Variants in DPYD observed in about 807,000 individuals in gnomAD.
DPYD encodes the protein dihydropyrimidine dehydrogenase [NADP(+)].
A neutral mutation model predicts 116.2 loss-of-function variants in DPYD; 109 were observed. The observed-to-expected ratio is 0.94, with a 90% CI of 0.80 to 1.10. The LOEUF (loss-of-function observed/expected upper bound fraction) is 1.10. Ranked by LOEUF, DPYD falls within the 50% of genes least tolerant of loss-of-function variation. The probability of loss-of-function intolerance (pLI) is 0.00; values close to 1 mark genes in which losing one functional copy is unlikely to be tolerated. For missense variants in DPYD, 1,302 were observed against 1,254.5 expected (o/e 1.04, Z -0.57); for synonymous variants, 440 against 432.0 (o/e 1.02, Z -0.23).
chr1:97,658,727 T>G (rs1022044331), intron 8 of DPYD, among the ~76,000 whole-genome samples: 2 of 152,164 alleles, frequency 1.3e-5, no homozygotes, highest in African/African-American at 4.8e-5. Flanking sequence ...AAGCCTACAC[T>G]GCATAAAACC....
At chr1:97,656,742 A>G (rs1658925962) in intron 8 of DPYD, among the ~76,000 whole-genome samples, 1 of 152,080 alleles carries the variant, frequency 6.6e-6, no homozygotes, top group Non-Finnish European at 1.5e-5. Context: ...TGAAATCCTC[A>G]TTAAACTAAT....
At position 97,727,476 on chromosome 1, in the gene DPYD, AAACT is replaced by A. The variant is rs113360421; in HGVS notation, c.322-5809_322-5806del. 4.6e-5 allele frequency among the ~76,000 whole-genome samples: 7 copies of A among 151,776 alleles called. No individual in the cohort carries two copies. In the East Asian group the frequency reaches 5.8e-4, roughly 13 times the overall value. On this transcript the variant is annotated intron_variant, in intron 4 of 22. Transcript: ENST00000370192. Reference sequence around the variant, plus strand: ...TTAATAGAAGGGTTCCAGTATTAAGAAACTAACTAAGAAAAATATTGAATAGATG... The same window carrying A: ...TTAATAGAAGGGTTCCAGTATTAAGAAACTAAGAAAAATATTGAATAGATG...
At chr1:97,517,838 T>C (rs1173513737) in intron 12 of DPYD, among the ~76,000 whole-genome samples, 2 of 152,120 alleles carry the variant, frequency 1.3e-5, no homozygotes, top group East Asian at 3.9e-4. Context: ...GTCCCATGTG[T>C]CTGTACTTTA....
intron 3 of DPYD, among the ~76,000 whole-genome samples, chr1:97,759,607 A>AT (rs375497396): frequency 1.3e-5 from 2 of 152,096 alleles, no homozygotes; most frequent in African/African-American, 4.8e-5. Flanking sequence ...CAGTACTGGT[A>AT]TTTTTTCAGC....
At chr1:97,377,792 G>A (rs1198855419) in intron 15 of DPYD, among the ~76,000 whole-genome samples, 1 of 152,186 alleles carries the variant, frequency 6.6e-6, no homozygotes, top group East Asian at 1.9e-4. Context: ...ACGAGCATTT[G>A]AGGAGCCATG....
At chr1:97,910,167 A>T (rs971875706) in intron 1 of DPYD, among the ~76,000 whole-genome samples, 3 of 152,124 alleles carry the variant, frequency 2.0e-5, no homozygotes, top group Admixed American at 6.6e-5. Flanking sequence ...TATTATCTGA[A>T]ATTACTGTAT....
At chr1:97,313,287 T>A (rs1052154432) in intron 16 of DPYD, among the ~76,000 whole-genome samples, 1 of 151,914 alleles carries the variant, frequency 6.6e-6, no homozygotes, top group Non-Finnish European at 1.5e-5. Context: ...GAGAGTACAG[T>A]ATACTGGGTC....
At chr1:97,689,603 C>A (rs1223495572) in intron 7 of DPYD, among the ~76,000 whole-genome samples, 1 of 151,804 alleles carries the variant, frequency 6.6e-6, no homozygotes, top group Non-Finnish European at 1.5e-5. Context: ...CAGTATGAAC[C>A]CACAAAAATA....
At chr1:97,355,948 G>A (rs77656893) in intron 16 of DPYD, among the ~76,000 whole-genome samples, 5,519 of 152,236 alleles carry the variant, frequency 0.036, 141 homozygotes, top group South Asian at 0.062. Context: ...TAAATACCCA[G>A]AAGTAGGATT....
chr1:97,504,252 G>A lies in DPYD; in HGVS notation c.1740+11474C>T, dbSNP rs1679757618. Among the ~76,000 whole-genome samples the A allele has an allele frequency of 5.3e-5, 8 of 151,946 alleles. No homozygotes were observed. In the South Asian group the frequency reaches 1.7e-3, roughly 31 times the overall value. ...TTTGGAGGTTGGTGCACCGTATACA[G>A]TGTCCCACTCTGCTTGATATATCGA... On this transcript the variant is annotated intron_variant, in intron 13 of 22. Coordinates refer to ENST00000370192, the MANE Select transcript of DPYD (RefSeq NM_000110.4).
intron 18 of DPYD, among the ~76,000 whole-genome samples, chr1:97,292,622 G>A (rs1416478243): frequency 1.3e-5 from 2 of 152,114 alleles, no homozygotes. Context: ...TAAAAAGGGT[G>A]AAACTAAAGA....
In DPYD at chr1:97,306,395, T is replaced by C. The variant is rs773044881; in HGVS notation, c.2059-98A>G. 4.0e-6 allele frequency: 6 copies of C among 1,494,468 alleles called. No homozygotes were observed. In the South Asian group the frequency reaches 6.8e-5, roughly 17 times the overall value. The allele number at this position is 1,494,468 out of a possible 1,614,324, so 92.6% of individuals were successfully genotyped here. A position where few individuals can be genotyped will look rare whatever the true frequency, so the allele number is the denominator to read the frequency against. ...CAAAGCTGGAGACGTGCAAGACAAA[T>C]CCAACTTGACAATGAGCTACATGAT... On this transcript the variant is annotated intron_variant, in intron 16 of 22. Coordinates refer to ENST00000370192, the MANE Select transcript of DPYD (RefSeq NM_000110.4).
intron 3 of DPYD, among the ~76,000 whole-genome samples, chr1:97,745,188 T>C (rs1490048046): frequency 6.6e-6 from 1 of 152,130 alleles, no homozygotes; most frequent in African/African-American, 2.4e-5. Context: ...TATTCTTAAA[T>C]ATGCATCTTG....
intron 16 of DPYD, among the ~76,000 whole-genome samples, chr1:97,335,973 C>T (rs1040399305): frequency 6.6e-6 from 1 of 152,132 alleles, no homozygotes; most frequent in Non-Finnish European, 1.5e-5. Context: ...TCCTTCGTGT[C>T]TTTCTCTATC....
At position 97,095,350 on chromosome 1, in the gene DPYD, T is replaced by C. The variant is rs145400615; in HGVS notation, c.2766+3139A>G. On this transcript the variant is annotated intron_variant, in intron 21 of 22. Coordinates refer to ENST00000370192, the MANE Select transcript of DPYD (RefSeq NM_000110.4). ...TGTCACTGAATTATAATTTGAGAGA[T>C]GAAAGGGATCCCTTTAAAATGCAAA... is the stretch of plus-strand genomic sequence containing the variant. Among the ~76,000 whole-genome samples the C allele has an allele frequency of 5.1e-3, 774 of 152,170 alleles. 5 individuals are homozygous for C. The highest frequency in any genetic ancestry group is 0.031 in the Middle Eastern group (9 of 294).
chr1:97,397,986 T>C (rs1292573092), intron 14 of DPYD, among the ~76,000 whole-genome samples: 1 of 152,100 alleles, frequency 6.6e-6, no homozygotes, highest in Non-Finnish European at 1.5e-5. Flanking sequence ...AGGATACATG[T>C]GCACAATGTG....
intron 14 of DPYD, among the ~76,000 whole-genome samples, chr1:97,393,290 T>C (rs1458144478): frequency 7.0e-6 from 1 of 143,850 alleles, no homozygotes; most frequent in Non-Finnish European, 1.5e-5. Flanking sequence ...TAGCCTATTT[T>C]CTTTTTTTTT....
intron 20 of DPYD, among the ~76,000 whole-genome samples, chr1:97,128,851 T>C (rs992267199): frequency 2.0e-5 from 3 of 152,166 alleles, no homozygotes; most frequent in Non-Finnish European, 4.4e-5. Context: ...ATTTGAATAC[T>C]GTATGTTGTA....
At chr1:97,178,347 TA>T (rs1234534973) in intron 20 of DPYD, among the ~76,000 whole-genome samples, 9 of 152,276 alleles carry the variant, frequency 5.9e-5, no homozygotes, top group African/African-American at 2.2e-4. Flanking sequence ...CTGGGTAATT[TA>T]CAAAAGAGGT....
Sources: gnomAD v4.1 joint callset for allele counts (sites outside exome capture counted in the v4.1 genomes callset) on GRCh38, gnomAD v4.1.1 for gene constraint, MANE v1.5 for transcripts, NCBI Gene and HGNC (gene_info 2026-07-23, HGNC 2026-07-21) for gene names.